The following ETV1 variants were observed in gnomAD, a reference collection of about 807,000 sequenced individuals.
ETV1 encodes ETS variant transcription factor 1, also known as ETS translocation variant 1.
In ETV1, 27 loss-of-function variants were observed where a neutral mutation model predicts 62.3. The observed-to-expected ratio is 0.43, with a 90% CI of 0.32 to 0.60. The LOEUF (loss-of-function observed/expected upper bound fraction) is 0.60, where lower values mean the gene tolerates loss of function less well. ETV1 is among the 20% of genes least tolerant of loss of function. The pLI, the probability that ETV1 is intolerant of heterozygous loss-of-function variation, is 0.06. For synonymous variants in ETV1, 222 were observed against 199.6 expected, an observed-to-expected ratio of 1.11 and a Z score of -0.94; for missense variants, 605 against 605.8, an observed-to-expected ratio of 1.00 and a Z score of 0.01.
chr7:13,900,793 T>G lies in ETV1; in HGVS notation c.1157A>C (p.Tyr386Ser). 1 of 1,611,896 alleles carries G rather than the reference T, an allele frequency of 6.2e-7. No homozygotes were observed. The highest frequency in any genetic ancestry group is 8.5e-7 in the Non-Finnish European group (1 of 1,179,026). Reference protein sequence around the residue: ...GIQKNRPAMNYDKLSRSLRYY... With the variant: ...GIQKNRPAMNSDKLSRSLRYY... Reference sequence around the variant, plus strand: ...GCGGAGTGAACGGCTAAGTTTATCATAGTTCATAGCTGGCCTGTTTTTCTG... The same window carrying G: ...GCGGAGTGAACGGCTAAGTTTATCAGAGTTCATAGCTGGCCTGTTTTTCTG... Residue 386 changes from tyrosine (Y) to serine (S), a missense_variant, in exon 13 of 14, where the codon TAT becomes TCT. This residue lies in a region of ETV1 where 100 missense variants were observed against 156.4 expected (regional missense o/e 0.64). Coordinates refer to ENST00000430479, the MANE Select transcript of ETV1 (RefSeq NM_004956.5).
chr7:13,973,436 T>C (rs79142611), intron 6 of ETV1, among the ~76,000 whole-genome samples: 3,723 of 152,302 alleles, frequency 0.024, 167 homozygotes, highest in African/African-American at 0.085. Flanking sequence ...TAAAGGCATT[T>C]TGGAGACCAT....
intron 6 of ETV1, among the ~76,000 whole-genome samples, chr7:13,956,177 T>C (rs537512712): frequency 6.6e-6 from 1 of 152,348 alleles, no homozygotes; most frequent in South Asian, 2.1e-4. Context: ...AAGTATTCAC[T>C]AATTACATAC....
intron 6 of ETV1, among the ~76,000 whole-genome samples, chr7:13,972,887 G>A (rs1781044992): frequency 1.3e-5 from 2 of 152,110 alleles, no homozygotes; most frequent in South Asian, 4.1e-4. Context: ...AGGATTATAG[G>A]CATGAGCCAC....
intron 13 of ETV1, chr7:13,900,379 A>G (rs2128405612): frequency 5.5e-6 from 1 of 182,364 alleles, no homozygotes; most frequent in East Asian, 1.4e-4. Context: ...TATTCTAAAG[A>G]TTCTTTATTG....
intron 9 of ETV1, among the ~76,000 whole-genome samples, chr7:13,927,420 C>A (rs535562808): frequency 1.6e-4 from 25 of 152,296 alleles, no homozygotes; most frequent in African/African-American, 5.5e-4. Context: ...CCACTGCACT[C>A]CAGCCTGGGC....
In ETV1 at chr7:13,894,963, T is replaced by C. The variant is rs1562573137; in HGVS notation, c.*903A>G. The C allele has an allele frequency of 1.3e-5, 3 of 232,894 alleles. No homozygotes were observed. Among genetic ancestry groups the C allele is most frequent in the African/African-American group, 6.6e-5 (3 of 45,346 alleles). 14.4% of individuals were successfully genotyped at this position (232,894 alleles called of 1,614,324 possible). A position where few individuals can be genotyped will look rare whatever the true frequency, so the allele number is the denominator to read the frequency against. On this transcript the variant is annotated 3_prime_UTR_variant, in exon 14 of 14. Transcript: ENST00000430479. ...CAGTTAATTCTTATTGATTAAATAA[T>C]GTATTTATGTACTGAAGAAAGTGAA...
chr7:13,920,154 C>A (rs541043609), intron 9 of ETV1, among the ~76,000 whole-genome samples: 4 of 152,168 alleles, frequency 2.6e-5, no homozygotes, highest in Non-Finnish European at 5.9e-5. Context: ...TCCCTTCCCC[C>A]TTTCCTGCCT....
At chr7:13,896,780 G>GAAAGAAAGAAAGAAAGAA in intron 13 of ETV1, among the ~76,000 whole-genome samples, 1 of 150,730 alleles carries the variant, frequency 6.6e-6, no homozygotes, top group South Asian at 2.1e-4. Flanking sequence ...AAGAAAGAAA[G>GAAAGAAAGAAAGAAAGAA]AAAGAAAGAA....
chr7:13,927,297 G>C (rs1785541339), intron 9 of ETV1, among the ~76,000 whole-genome samples: 1 of 151,932 alleles, frequency 6.6e-6, no homozygotes, highest in Non-Finnish European at 1.5e-5. Flanking sequence ...TAAAAATATA[G>C]AAAAATCAGC....
At chr7:13,896,431 T>A (rs181493290) in intron 13 of ETV1, among the ~76,000 whole-genome samples, 1 of 152,174 alleles carries the variant, frequency 6.6e-6, no homozygotes. Flanking sequence ...GCATTTCATA[T>A]TGAAAGCTTT....
At chr7:13,923,000 C>G (rs1348798775) in intron 9 of ETV1, among the ~76,000 whole-genome samples, 1 of 152,024 alleles carries the variant, frequency 6.6e-6, no homozygotes, top group African/African-American at 2.4e-5. Flanking sequence ...TGAGATATTG[C>G]TAGATGAGTA....
chr7:13,911,444 C>A (rs1362962732), intron 9 of ETV1, 137 bp from the exon 10 acceptor site: 6 of 608,244 alleles, frequency 9.9e-6, no homozygotes, highest in Middle Eastern at 5.3e-4. Flanking sequence ...ATATAATCAA[C>A]ATTTCAGGCA....
Position 13,895,121 on chromosome 7 carries a change from C to G in ETV1, c.*745G>C, listed in dbSNP as rs1781650449. 1 of 233,298 alleles carries G rather than the reference C, an allele frequency of 4.3e-6. No homozygotes were observed. Among genetic ancestry groups the G allele is most frequent in the Non-Finnish European group, 8.5e-6 (1 of 117,908 alleles). The allele number at this position is 233,298 out of a possible 1,614,324, so 14.5% of individuals were successfully genotyped here. ...ATTTAAAAGACGGTATGATTTGTATCTAAACAGCAAGGTGGCACCAGATAC... is the reference window on the plus strand; with the variant it reads ...ATTTAAAAGACGGTATGATTTGTATGTAAACAGCAAGGTGGCACCAGATAC... On this transcript the variant is annotated 3_prime_UTR_variant, in exon 14 of 14. Transcript: ENST00000430479.
intron 3 of ETV1, chr7:13,988,584 AGT>A: frequency 3.8e-6 from 3 of 797,286 alleles, no homozygotes; most frequent in African/African-American, 2.4e-5. Flanking sequence ...AAGCAAAAAG[AGT>A]AGAGAAATGA....
intron 6 of ETV1, among the ~76,000 whole-genome samples, chr7:13,968,654 C>A (rs942396276): frequency 2.0e-5 from 3 of 151,646 alleles, no homozygotes; most frequent in African/African-American, 7.3e-5. Flanking sequence ...TACATTATTC[C>A]CCCATGAATT....
At chr7:13,988,763 T>A in intron 3 of ETV1, 1 of 1,611,802 alleles carries the variant, frequency 6.2e-7, no homozygotes, top group Non-Finnish European at 8.5e-7. Flanking sequence ...CCTCTTCCAC[T>A]CATGTTGGGC....
At chr7:13,919,394 T>A (rs2128432765) in intron 9 of ETV1, among the ~76,000 whole-genome samples, 1 of 151,050 alleles carries the variant, frequency 6.6e-6, no homozygotes, top group Admixed American at 6.6e-5. Context: ...AAAAAAAAAA[T>A]TACCAGAACA....
chr7:13,988,615 AATG>A, intron 3 of ETV1: 1 of 1,320,224 alleles, frequency 7.6e-7, no homozygotes, highest in Non-Finnish European at 9.7e-7. Context: ...AAAAAGAGAA[AATG>A]AGAAAAAAAA....
chr7:13,947,374 T>C (rs1214059705), intron 6 of ETV1, among the ~76,000 whole-genome samples: 1 of 50,582 alleles, frequency 2.0e-5, no homozygotes, highest in Non-Finnish European at 4.1e-5. Flanking sequence ...GTAATCCTAA[T>C]AGAAAACACT....
Sources: allele counts gnomAD v4.1 joint callset (sites outside exome capture counted in the v4.1 genomes callset), GRCh38; gene constraint gnomAD v4.1.1; regional missense constraint gnomAD v4.1.1; transcripts MANE v1.5; gene names NCBI Gene and HGNC (gene_info 2026-07-23, HGNC 2026-07-21).